CDKAL1: variants seen among roughly 807,000 people sequenced by gnomAD.
The protein encoded by CDKAL1 is threonylcarbamoyladenosine tRNA methylthiotransferase.
In CDKAL1, 32 loss-of-function variants were observed where a neutral mutation model predicts 68.2. The observed-to-expected ratio is 0.47, with a 90% confidence interval of 0.35 to 0.63. CDKAL1 has a LOEUF of 0.63. Ranked by LOEUF, CDKAL1 falls within the 30% of genes least tolerant of loss-of-function variation. The probability of loss-of-function intolerance (pLI) is 0.00; values close to 1 mark genes in which losing one functional copy is unlikely to be tolerated. For missense variants in CDKAL1, 606 were observed against 696.7 expected, an observed-to-expected ratio of 0.87 and a Z score of 1.47; for synonymous variants, 234 against 244.3, an observed-to-expected ratio of 0.96 and a Z score of 0.39.
At chr6:20,959,331 G>A (rs991933179) in intron 10 of CDKAL1, among the ~76,000 whole-genome samples, 3 of 152,062 alleles carry the variant, frequency 2.0e-5, no homozygotes, top group Admixed American at 1.3e-4. Flanking sequence ...TGGAATTGAA[G>A]AAATATACCT....
intron 8 of CDKAL1, among the ~76,000 whole-genome samples, chr6:20,806,792 T>C (rs953093971): frequency 2.0e-5 from 3 of 152,188 alleles, no homozygotes; most frequent in Non-Finnish European, 4.4e-5. Flanking sequence ...CTTATCTGAA[T>C]ACCTTATGTG....
At chr6:21,062,173 G>A (rs1220336215) in intron 11 of CDKAL1, among the ~76,000 whole-genome samples, 2 of 152,164 alleles carry the variant, frequency 1.3e-5, no homozygotes, top group African/African-American at 2.4e-5. Context: ...CCATAATCTA[G>A]TGCCAAATTT....
At chr6:20,785,250 A>G (rs1328613173) in intron 8 of CDKAL1, among the ~76,000 whole-genome samples, 1 of 152,126 alleles carries the variant, frequency 6.6e-6, no homozygotes, top group Admixed American at 6.5e-5. Flanking sequence ...TCTCACATGA[A>G]AGCATTCCCA....
rs553433369 is a variant in CDKAL1, at chr6:20,665,089, C to A, written c.371+15712C>A. 2.6e-5 allele frequency among the ~76,000 whole-genome samples: 4 copies of A among 152,114 alleles called. No individual in the cohort carries two copies. In the South Asian group the frequency reaches 8.3e-4, roughly 32 times the overall value. On this transcript the variant is annotated intron_variant, in intron 5 of 15. Transcript: ENST00000274695. Reference sequence around the variant, plus strand: ...GATGGGGTTGGGGGAGTGATCTTATCTGTATTCCTTGTGGTGATGGAGAGA... The same window carrying A: ...GATGGGGTTGGGGGAGTGATCTTATATGTATTCCTTGTGGTGATGGAGAGA...
intron 5 of CDKAL1, among the ~76,000 whole-genome samples, chr6:20,675,753 A>G (rs1358238228): frequency 1.3e-5 from 2 of 152,146 alleles, no homozygotes; most frequent in African/African-American, 4.8e-5. Flanking sequence ...AATATGCTAA[A>G]CTTTTATTAT....
At chr6:20,819,258 C>G (rs992593320) in intron 8 of CDKAL1, among the ~76,000 whole-genome samples, 7 of 151,764 alleles carry the variant, frequency 4.6e-5, no homozygotes, top group African/African-American at 1.5e-4. Context: ...TAGTTTTGGC[C>G]AAGGTGACAG....
chr6:20,710,537 A>G (rs1771798752), intron 5 of CDKAL1, among the ~76,000 whole-genome samples: 1 of 152,202 alleles, frequency 6.6e-6, no homozygotes, highest in Non-Finnish European at 1.5e-5. Flanking sequence ...ATGTATCCGC[A>G]TCATTAAGTG....
chr6:21,144,460 C>G (rs894126214), intron 13 of CDKAL1, among the ~76,000 whole-genome samples: 1 of 152,068 alleles, frequency 6.6e-6, no homozygotes, highest in Non-Finnish European at 1.5e-5. Context: ...ATTCCTGTGA[C>G]ATTTTATACT....
chr6:20,610,488 C>T (rs1003121229), intron 4 of CDKAL1, among the ~76,000 whole-genome samples: 5 of 140,368 alleles, frequency 3.6e-5, no homozygotes, highest in South Asian at 2.2e-4. Context: ...GTGTGGAAAA[C>T]GTTTTTTTTT....
At chr6:20,601,924 G>A (rs907326499) in intron 4 of CDKAL1, among the ~76,000 whole-genome samples, 1 of 152,028 alleles carries the variant, frequency 6.6e-6, no homozygotes, top group African/African-American at 2.4e-5. Context: ...CTTGCTAGAT[G>A]GTTATGTATG....
At chr6:21,144,840 A>G (rs571364497) in intron 13 of CDKAL1, among the ~76,000 whole-genome samples, 2 of 152,200 alleles carry the variant, frequency 1.3e-5, no homozygotes, top group South Asian at 2.1e-4. Context: ...AATAAAAAAG[A>G]TGAGAACAGG....
chr6:20,987,076 G>T (rs1237725032), intron 10 of CDKAL1, among the ~76,000 whole-genome samples: 1 of 152,120 alleles, frequency 6.6e-6, no homozygotes, highest in East Asian at 1.9e-4. Context: ...TTTGTCTATA[G>T]TTGATTGGTT....
chr6:21,026,926 C>CTCT (rs935406750), intron 11 of CDKAL1, among the ~76,000 whole-genome samples: 1 of 152,130 alleles, frequency 6.6e-6, no homozygotes, highest in Admixed American at 6.6e-5. Context: ...CTTGTATTCT[C>CTCT]TCTTCTTCTT....
chr6:21,119,196 G>A (rs775615283), intron 13 of CDKAL1, among the ~76,000 whole-genome samples: 3 of 151,934 alleles, frequency 2.0e-5, no homozygotes, highest in Non-Finnish European at 4.4e-5. Context: ...CTTTCTGTTA[G>A]AAAGTATGAA....
At chr6:20,658,162 A>C (rs555770379) in intron 5 of CDKAL1, among the ~76,000 whole-genome samples, 30 of 152,340 alleles carry the variant, frequency 2.0e-4, no homozygotes, top group Non-Finnish European at 4.1e-4. Context: ...GAGGCTGGTG[A>C]AAATAAACAC....
At chr6:20,862,845 G>A (rs1016442808) in intron 9 of CDKAL1, among the ~76,000 whole-genome samples, 2 of 152,086 alleles carry the variant, frequency 1.3e-5, no homozygotes, top group Admixed American at 1.3e-4. Context: ...TGACCAACAT[G>A]GAGAAACTCC....
At chr6:20,609,854 C>T (rs530748561) in intron 4 of CDKAL1, among the ~76,000 whole-genome samples, 6 of 152,062 alleles carry the variant, frequency 3.9e-5, no homozygotes, top group South Asian at 2.1e-4. Flanking sequence ...CATGAGGGTT[C>T]GTTGTACAGA....
Position 21,072,554 on chromosome 6 carries a change from C to CAAAAAAAAAAA in CDKAL1, c.1236+7342_1236+7352dup, listed in dbSNP as rs71540611. On this transcript the variant is annotated intron_variant, in intron 12 of 15. Coordinates refer to ENST00000274695, the MANE Select transcript of CDKAL1 (RefSeq NM_017774.3). ...TGGGCGACTGAGCGAGACTCCGTCT[C>CAAAAAAAAAAA]AAAAAAAAAAAAAAAAAAAAAAAAA... 8.0e-3 allele frequency among the ~76,000 whole-genome samples: 358 copies of CAAAAAAAAAAA among 44,488 alleles called. 33 individuals are homozygous for CAAAAAAAAAAA. The highest frequency in any genetic ancestry group is 0.015 in the African/African-American group (182 of 11,792). 29.2% of individuals were successfully genotyped at this position (44,488 alleles called of 152,430 possible).
At chr6:20,975,216 C>T (rs1248439760) in intron 10 of CDKAL1, among the ~76,000 whole-genome samples, 1 of 152,180 alleles carries the variant, frequency 6.6e-6, no homozygotes, top group Non-Finnish European at 1.5e-5. Flanking sequence ...ACCAGTTAAT[C>T]TCTGCCGTCT....
Sources: allele counts gnomAD v4.1 joint callset (sites outside exome capture counted in the v4.1 genomes callset), GRCh38; gene constraint gnomAD v4.1.1; transcripts MANE v1.5; gene names NCBI Gene and HGNC (gene_info 2026-07-23, HGNC 2026-07-21).